The following WWC2 variants were observed in gnomAD, a reference collection of about 807,000 sequenced individuals.
WWC2 encodes WW and C2 domain containing 2.
Under a neutral mutation model 138.5 loss-of-function variants are expected in WWC2, and 101 were observed. That is an observed-to-expected ratio of 0.73 (90% CI 0.62 to 0.86). The LOEUF (loss-of-function observed/expected upper bound fraction) is 0.86, where lower values mean the gene tolerates loss of function less well. Among genes scored for constraint, WWC2 ranks in the 40% least tolerant of loss-of-function variants. The probability of loss-of-function intolerance (pLI) is 0.00; values close to 1 mark genes in which losing one functional copy is unlikely to be tolerated. For synonymous variants in WWC2, 558 were observed against 538.4 expected (o/e 1.04, Z -0.50); for missense variants, 1,420 against 1,419.4 (o/e 1.00, Z -0.01).
chr4:183,281,951 C>T (rs1265101532), intron 17 of WWC2, among the ~76,000 whole-genome samples: 1 of 152,130 alleles, frequency 6.6e-6, no homozygotes, highest in Non-Finnish European at 1.5e-5. Flanking sequence ...AATGGTTCCC[C>T]TTGTGTTCAC....
chr4:183,213,869 C>T (rs1273576934), intron 4 of WWC2, among the ~76,000 whole-genome samples: 1 of 151,020 alleles, frequency 6.6e-6, no homozygotes, highest in Non-Finnish European at 1.5e-5. Flanking sequence ...CCATAGTCAC[C>T]TTGGGTTAAA....
In WWC2 at chr4:183,100,366, T is replaced by C. The variant is rs559218334; in HGVS notation, c.131+744T>C. 1.9e-3 allele frequency among the ~76,000 whole-genome samples: 293 copies of C among 152,380 alleles called. 1 individual carries two copies. The highest frequency in any genetic ancestry group is 6.9e-3 in the African/African-American group (286 of 41,592). ...TAGCCTGGTTTCTTTGTTTTTTGTTTTTTAAATTGGTTCAGGAACTGAAGG... is the reference window on the plus strand; with the variant it reads ...TAGCCTGGTTTCTTTGTTTTTTGTTCTTTAAATTGGTTCAGGAACTGAAGG... On this transcript the variant is annotated intron_variant, in intron 1 of 22. Coordinates refer to ENST00000403733, the MANE Select transcript of WWC2 (RefSeq NM_024949.6).
At chr4:183,292,181 G>T (rs1738475653) in intron 21 of WWC2, among the ~76,000 whole-genome samples, 1 of 152,062 alleles carries the variant, frequency 6.6e-6, no homozygotes, top group African/African-American at 2.4e-5. Flanking sequence ...AGGTGACAGA[G>T]TGAGACCCTG....
intron 1 of WWC2, among the ~76,000 whole-genome samples, chr4:183,143,771 A>G (rs1180179995): frequency 6.6e-6 from 1 of 151,900 alleles, no homozygotes; most frequent in East Asian, 1.9e-4. Flanking sequence ...TTGTGCTACT[A>G]TACTCTAGCC....
intron 14 of WWC2, among the ~76,000 whole-genome samples, 184 bp from the exon 15 acceptor site, chr4:183,268,787 G>C (rs550692792): frequency 6.6e-6 from 1 of 152,138 alleles, no homozygotes; most frequent in South Asian, 2.1e-4. Context: ...TAGTCAGCTC[G>C]GGTGGGTTAA....
chr4:183,253,925 A>G lies in WWC2; in HGVS notation c.1122A>G (p.Leu374=). ...GTACCCAAGATGAATTAGAACGCCT[A>G]GAAGCTGAAAGGCAGCGGCTGGAAG... ...QKRTQDELER[L]EAERQRLEEE... Residue 374 remains leucine, a synonymous_variant, in exon 9 of 23, where the codon CTA becomes CTG. Coordinates refer to ENST00000403733, the MANE Select transcript of WWC2 (RefSeq NM_024949.6). 1 of 1,613,950 alleles carries G rather than the reference A, an allele frequency of 6.2e-7. No individual in the cohort carries two copies. Among genetic ancestry groups the G allele is most frequent in the Non-Finnish European group, 8.5e-7 (1 of 1,179,876 alleles).
chr4:183,099,849 C>G (rs576431882), intron 1 of WWC2, among the ~76,000 whole-genome samples: 1 of 152,116 alleles, frequency 6.6e-6, no homozygotes, highest in Non-Finnish European at 1.5e-5. Flanking sequence ...CGAGGCAAGG[C>G]TGGAGTCGCT....
intron 1 of WWC2, among the ~76,000 whole-genome samples, chr4:183,115,323 GC>G (rs1732376894): frequency 1.3e-5 from 2 of 152,154 alleles, no homozygotes; most frequent in Admixed American, 1.3e-4. Context: ...GATTAGTGCT[GC>G]AGTGAACATA....
At chr4:183,308,054 CA>C (rs1376175440) in intron 21 of WWC2, among the ~76,000 whole-genome samples, 1 of 152,082 alleles carries the variant, frequency 6.6e-6, no homozygotes, top group Non-Finnish European at 1.5e-5. Context: ...GGTTAATATA[CA>C]AAAGTTAATC....
intron 21 of WWC2, among the ~76,000 whole-genome samples, chr4:183,306,735 C>A (rs760317312): frequency 4.6e-5 from 7 of 152,046 alleles, no homozygotes; most frequent in African/African-American, 7.2e-5. Flanking sequence ...CCATGTTGGC[C>A]AGGCTGGTCT....
chr4:183,133,429 A>ATT (rs200724796), intron 1 of WWC2, among the ~76,000 whole-genome samples: 1 of 150,802 alleles, frequency 6.6e-6, no homozygotes, highest in Admixed American at 6.6e-5. Context: ...AAGTGTTCTG[A>ATT]TTTTTTTTTG....
In WWC2 at chr4:183,253,794, A is replaced by G; in HGVS notation, c.991A>G (p.Ser331Gly). Residue 331 changes from serine to glycine, a missense_variant, in exon 9 of 23, where the codon AGT (serine) becomes GGT (glycine). Transcript: ENST00000403733. ...AAAAATTGAACTGTCAAAATTGGAC[A>G]GTGAGGCCTGGCCTGGGGCACTGGA... ...NLKIELSKLD[S>G]EAWPGALDIE... 1.9e-6 allele frequency: 3 copies of G among 1,613,438 alleles called. No individual in the cohort carries two copies. The Middle Eastern group carries it at 4.9e-4, about 266-fold the overall frequency.
chr4:183,101,887 T>G (rs1183159320), intron 1 of WWC2, among the ~76,000 whole-genome samples: 2 of 152,248 alleles, frequency 1.3e-5, no homozygotes, highest in African/African-American at 4.8e-5. Context: ...ATGATTTACC[T>G]TGCATATTTT....
In WWC2 at chr4:183,271,220, G is replaced by T. The variant is rs758288570; in HGVS notation, c.2541G>T (p.Pro847=). 3.7e-6 allele frequency: 6 copies of T among 1,610,814 alleles called. No homozygotes were observed. Among genetic ancestry groups the T allele is most frequent in the Non-Finnish European group, 2.5e-6 (3 of 1,178,758 alleles). The change falls in exon 16 of 23, where the codon CCG becomes CCT. Residue 847 remains proline, a synonymous_variant. Coordinates refer to ENST00000403733, the MANE Select transcript of WWC2 (RefSeq NM_024949.6). ...ACTCTGTATTTCAACCAAACCAGCC[G>T]TTAGTAGATTCTATAGACTTGGTGA... The part of the protein sequence containing the change: ...NEDSVFQPNQ[P]LVDSIDLDAV...
rs1560902686 is a variant in WWC2 at position 183,316,397 on chromosome 4, C to T, written c.*668C>T. The T allele has an allele frequency of 6.6e-6, 1 of 152,220 alleles. No individual in the cohort carries two copies. Among genetic ancestry groups the T allele is most frequent in the Non-Finnish European group, 1.5e-5 (1 of 68,048 alleles). The allele number at this position is 152,220 out of a possible 1,614,324, so 9.4% of individuals were successfully genotyped here. On this transcript the variant is annotated 3_prime_UTR_variant, in exon 23 of 23. Transcript: ENST00000403733. ...ATAAGAATAAGAATACAAAGGAGCA[C>T]TACTCTTGGCTACACGAAAGATCTT... is the stretch of plus-strand genomic sequence containing the variant.
At chr4:183,283,791 T>A (rs1738158131) in intron 18 of WWC2, among the ~76,000 whole-genome samples, 2 of 152,250 alleles carry the variant, frequency 1.3e-5, no homozygotes, top group African/African-American at 4.8e-5. Context: ...TTTCATTTTC[T>A]TATATTTAAT....
chr4:183,150,152 T>C (rs1733598871), intron 1 of WWC2, among the ~76,000 whole-genome samples: 1 of 152,212 alleles, frequency 6.6e-6, no homozygotes, highest in South Asian at 2.1e-4. Context: ...TTGCTGCCAT[T>C]GAGTACTTCA....
chr4:183,274,058 C>G (rs533620090), intron 16 of WWC2, among the ~76,000 whole-genome samples: 10 of 152,318 alleles, frequency 6.6e-5, no homozygotes, highest in African/African-American at 2.4e-4. Context: ...TTTCTGGACT[C>G]TCAATCCTGT....
chr4:183,180,839 T>C (rs1355607192), intron 1 of WWC2, among the ~76,000 whole-genome samples: 8 of 151,678 alleles, frequency 5.3e-5, no homozygotes, highest in African/African-American at 7.3e-5. Flanking sequence ...CGGGGAGATT[T>C]CCCACAATTT....
Sources: allele counts gnomAD v4.1 joint callset (sites outside exome capture counted in the v4.1 genomes callset), GRCh38; gene constraint gnomAD v4.1.1; transcripts MANE v1.5; gene names NCBI Gene and HGNC (gene_info 2026-07-23, HGNC 2026-07-21).